The following KCNH5 variants were observed in gnomAD, a reference collection of about 807,000 sequenced individuals.
The protein encoded by KCNH5 is potassium voltage-gated channel subfamily H member 5, also known as voltage-gated delayed rectifier potassium channel KCNH5.
A neutral mutation model predicts 96.1 loss-of-function variants in KCNH5; 46 were observed. The observed-to-expected ratio is 0.48, with a 90% confidence interval of 0.38 to 0.61. The LOEUF (loss-of-function observed/expected upper bound fraction) is 0.61, where lower values mean the gene tolerates loss of function less well. KCNH5 is among the 20% of genes least tolerant of loss of function. The pLI is 0.00. For synonymous variants in KCNH5, 439 were observed against 449.8 expected, an observed-to-expected ratio of 0.98 and a Z score of 0.30; for missense variants, 907 against 1,225.8, an observed-to-expected ratio of 0.74 and a Z score of 3.88.
chr14:62,842,675 C>T (rs1293455783), intron 8 of KCNH5, among the ~76,000 whole-genome samples: 3 of 152,148 alleles, frequency 2.0e-5, no homozygotes. Context: ...TACAGTTGTC[C>T]CATACTGGCC....
At chr14:63,025,574 C>G (rs912502894) in intron 1 of KCNH5, among the ~76,000 whole-genome samples, 2 of 150,516 alleles carry the variant, frequency 1.3e-5, no homozygotes, top group Admixed American at 6.6e-5. Flanking sequence ...TAACAACAAG[C>G]TATCCAAATA....
At chr14:62,783,176 T>A (rs1038157821) in intron 9 of KCNH5, among the ~76,000 whole-genome samples, 1 of 152,226 alleles carries the variant, frequency 6.6e-6, no homozygotes, top group African/African-American at 2.4e-5. Flanking sequence ...TCATTTTATG[T>A]ACCCCATCTC....
intron 9 of KCNH5, among the ~76,000 whole-genome samples, chr14:62,791,195 TAAAACTCAC>T (rs1886426301): frequency 1.3e-5 from 2 of 151,686 alleles, no homozygotes; most frequent in African/African-American, 2.4e-5. Context: ...TATGAAAGTA[TAAAACTCAC>T]TGGTGGAAGT....
At chr14:62,776,695 T>C (rs972315811) in intron 10 of KCNH5, among the ~76,000 whole-genome samples, 7 of 152,218 alleles carry the variant, frequency 4.6e-5, no homozygotes, top group African/African-American at 1.4e-4. Context: ...GGAATTCTAG[T>C]TATTCGTCAA....
At chr14:63,013,158 G>A (rs8004870) in intron 2 of KCNH5, among the ~76,000 whole-genome samples, 43,577 of 151,542 alleles carry the variant, frequency 0.29, 7,433 homozygotes, top group East Asian at 0.57. Context: ...ACAGAAGAAA[G>A]AAATATTAGC....
rs1888907459 is a variant in KCNH5, at chr14:62,900,714, T to C, written c.1369+49419A>G. The stretch of plus-strand genomic sequence containing the variant: ...AATTTAATGAAGGAAATCAGTAAGA[T>C]AAGAGCAAATTTTAATGAAGAAGAA... On this transcript the variant is annotated intron_variant, in intron 7 of 10. Coordinates refer to ENST00000322893, the MANE Select transcript of KCNH5 (RefSeq NM_139318.5). Among the ~76,000 whole-genome samples, 3 of 151,762 alleles carry C rather than the reference T, an allele frequency of 2.0e-5. No individual in the cohort carries two copies. The South Asian group carries it at 6.2e-4, about 32-fold the overall frequency.
chr14:62,752,350 T>C (rs1231008886), intron 10 of KCNH5, among the ~76,000 whole-genome samples: 1 of 151,976 alleles, frequency 6.6e-6, no homozygotes, highest in African/African-American at 2.4e-5. Context: ...GACTTTATTT[T>C]GCAGCTTATG....
intron 6 of KCNH5, among the ~76,000 whole-genome samples, chr14:62,960,399 T>G (rs552912272): frequency 6.6e-6 from 1 of 152,154 alleles, no homozygotes; most frequent in Non-Finnish European, 1.5e-5. Context: ...GGGAACCTAG[T>G]GATTTAAAGA....
chr14:63,041,410 CA>C (rs1891822060), intron 1 of KCNH5, among the ~76,000 whole-genome samples: 1 of 152,098 alleles, frequency 6.6e-6, no homozygotes, highest in African/African-American at 2.4e-5. Flanking sequence ...GCCCTTGAGG[CA>C]GGGGCCTTCT....
At chr14:62,766,793 T>C (rs899179868) in intron 10 of KCNH5, among the ~76,000 whole-genome samples, 17 of 152,058 alleles carry the variant, frequency 1.1e-4, no homozygotes, top group Non-Finnish European at 2.2e-4. Context: ...TAGTCAATAA[T>C]AACTTAATTG....
Position 62,700,126 on chromosome 14 carries a change from C to T in KCNH5, c.*7382G>A, listed in dbSNP as rs764057390. 2 of 152,064 alleles carry T rather than the reference C, an allele frequency of 1.3e-5. No homozygotes were observed. Among genetic ancestry groups the T allele is most frequent in the Non-Finnish European group, 2.9e-5 (2 of 67,988 alleles). The allele number at this position is 152,064 out of a possible 1,614,324, so 9.4% of individuals were successfully genotyped here. A position where few individuals can be genotyped will look rare whatever the true frequency, so the allele number is the denominator to read the frequency against. ...ATTTACATTGTAGTATACAAAATGC[C>T]ACAACTAGTGTAAACAAAGTCACTA... is the stretch of plus-strand genomic sequence containing the variant. On this transcript the variant is annotated 3_prime_UTR_variant, in exon 11 of 11. Transcript: ENST00000322893.
At chr14:62,749,787 C>T (rs1296191083) in intron 10 of KCNH5, among the ~76,000 whole-genome samples, 1 of 152,182 alleles carries the variant, frequency 6.6e-6, no homozygotes, top group Non-Finnish European at 1.5e-5. Context: ...TAGCAAGAGT[C>T]CTCTTTAGAG....
At chr14:62,811,191 T>C (rs777403059) in intron 8 of KCNH5, among the ~76,000 whole-genome samples, 1 of 152,164 alleles carries the variant, frequency 6.6e-6, no homozygotes, top group Non-Finnish European at 1.5e-5. Context: ...GCTCCAAAGA[T>C]GTAACCTCCA....
At chr14:62,939,669 G>A (rs545155311) in intron 7 of KCNH5, among the ~76,000 whole-genome samples, 1 of 152,270 alleles carries the variant, frequency 6.6e-6, no homozygotes. Flanking sequence ...GCTGGGCATG[G>A]TGGCTCATGC....
At chr14:62,790,737 TGTAA>T (rs1476785265) in intron 9 of KCNH5, among the ~76,000 whole-genome samples, 7 of 151,758 alleles carry the variant, frequency 4.6e-5, no homozygotes, top group Non-Finnish European at 3.0e-5. Context: ...TTGTAACAAT[TGTAA>T]GTGAGATTTT....
intron 8 of KCNH5, among the ~76,000 whole-genome samples, chr14:62,809,696 C>T (rs959603837): frequency 7.9e-5 from 12 of 152,070 alleles, no homozygotes; most frequent in African/African-American, 2.2e-4. Flanking sequence ...CAAATTATCA[C>T]GCCAAGTCTA....
chr14:62,913,681 A>G (rs1415485425), intron 7 of KCNH5, among the ~76,000 whole-genome samples: 1 of 152,210 alleles, frequency 6.6e-6, no homozygotes, highest in East Asian at 1.9e-4. Flanking sequence ...AAATAAGAAC[A>G]ATATAAAACC....
intron 9 of KCNH5, among the ~76,000 whole-genome samples, chr14:62,795,348 T>C (rs1335955889): frequency 6.6e-6 from 1 of 152,192 alleles, no homozygotes; most frequent in African/African-American, 2.4e-5. Flanking sequence ...ATGGATTCAA[T>C]GAACCACAAA....
chr14:62,977,508 A>G (rs1048017733), intron 6 of KCNH5, among the ~76,000 whole-genome samples: 1 of 152,180 alleles, frequency 6.6e-6, no homozygotes, highest in Non-Finnish European at 1.5e-5. Flanking sequence ...CTCACCTTTC[A>G]TGTTGAGAAG....
Sources: allele counts gnomAD v4.1 joint callset (sites outside exome capture counted in the v4.1 genomes callset), GRCh38; gene constraint gnomAD v4.1.1; transcripts MANE v1.5; gene names NCBI Gene and HGNC (gene_info 2026-07-23, HGNC 2026-07-21).